Variants in DOCK8 observed in about 807,000 individuals in gnomAD.
DOCK8 encodes the protein dedicator of cytokinesis 8, also known as dedicator of cytokinesis protein 8.
DOCK8 carries 141 observed loss-of-function variants against 245.6 expected under a neutral mutation model. The observed-to-expected ratio is 0.57, with a 90% confidence interval of 0.50 to 0.66. The LOEUF (loss-of-function observed/expected upper bound fraction) is 0.66. Among genes scored for constraint, DOCK8 ranks in the 30% least tolerant of loss-of-function variants. The probability of loss-of-function intolerance (pLI) is 0.00; values close to 1 mark genes in which losing one functional copy is unlikely to be tolerated. For synonymous variants in DOCK8, 1,168 were observed against 970.2 expected (o/e 1.20, Z -3.79); for missense variants, 2,965 against 2,603.4 (o/e 1.14, Z -3.02).
intron 14 of DOCK8, among the ~76,000 whole-genome samples, chr9:354,944 C>A (rs933882712): frequency 6.6e-6 from 1 of 152,076 alleles, no homozygotes; most frequent in African/African-American, 2.4e-5. Flanking sequence ...ACATCAGAAG[C>A]GAGTCACTAG....
At chr9:371,170 G>GTTTTTTTT (rs149107240) in intron 16 of DOCK8, among the ~76,000 whole-genome samples, 1 of 151,304 alleles carries the variant, frequency 6.6e-6, no homozygotes, top group Non-Finnish European at 1.5e-5. Flanking sequence ...GTGTGGGGGA[G>GTTTTTTTT]TTGTTTTTTG....
intron 1 of DOCK8, among the ~76,000 whole-genome samples, chr9:236,466 T>C (rs2047252377): frequency 6.6e-6 from 1 of 152,200 alleles, no homozygotes; most frequent in Non-Finnish European, 1.5e-5. Context: ...CTAGTGCATA[T>C]TGATAGGCCA....
rs749045514 is a variant in DOCK8, at chr9:355,192, C to CT, written c.1680-12796dup. Among the ~76,000 whole-genome samples the CT allele has an allele frequency of 8.8e-4, 106 of 121,026 alleles. 3 individuals carry two copies. Among genetic ancestry groups the CT allele is most frequent in the Middle Eastern group, 4.5e-3 (1 of 224 alleles). The allele number at this position is 121,026 out of a possible 152,430, so 79.4% of individuals were successfully genotyped here. ...AGACTGGTGTATTTCTGTTTCTTTT[C>CT]TTTTTTTTTTTTTTTTTTTTTTTTT... On this transcript the variant is annotated intron_variant, in intron 14 of 47. Coordinates refer to ENST00000432829, the MANE Select transcript of DOCK8 (RefSeq NM_203447.4).
intron 1 of DOCK8, among the ~76,000 whole-genome samples, chr9:242,816 T>C (rs991075333): frequency 3.9e-5 from 6 of 152,102 alleles, no homozygotes; most frequent in Admixed American, 6.5e-5. Flanking sequence ...GCTTGTTTTT[T>C]TTTTTTTTCC....
chr9:289,812 G>T (rs1229987977), intron 4 of DOCK8, among the ~76,000 whole-genome samples: 1 of 152,094 alleles, frequency 6.6e-6, no homozygotes, highest in Non-Finnish European at 1.5e-5. Flanking sequence ...AGCCAATATG[G>T]ATATGTTGTT....
intron 4 of DOCK8, among the ~76,000 whole-genome samples, chr9:295,648 C>T (rs562811178): frequency 6.6e-6 from 1 of 152,264 alleles, no homozygotes; most frequent in African/African-American, 2.4e-5. Flanking sequence ...CTTTGTTATC[C>T]AGAACCAAGC....
chr9:382,008 CT>C (rs1197030867), intron 21 of DOCK8, among the ~76,000 whole-genome samples: 2 of 151,864 alleles, frequency 1.3e-5, no homozygotes, highest in Non-Finnish European at 2.9e-5. Context: ...TCCATAACCG[CT>C]TGTGAAAACA....
At chr9:224,170 T>C (rs2046941858) in intron 1 of DOCK8, among the ~76,000 whole-genome samples, 1 of 152,190 alleles carries the variant, frequency 6.6e-6, no homozygotes, top group Non-Finnish European at 1.5e-5. Context: ...CAACGGTTAT[T>C]TAGAACTGTT....
At chr9:324,255 C>T (rs1389409107) in intron 7 of DOCK8, among the ~76,000 whole-genome samples, 1 of 152,122 alleles carries the variant, frequency 6.6e-6, no homozygotes, top group Non-Finnish European at 1.5e-5. Flanking sequence ...ATATTCTGTC[C>T]AAATATTCTT....
At chr9:410,539 G>C (rs551669394) in intron 28 of DOCK8, among the ~76,000 whole-genome samples, 12 of 152,258 alleles carry the variant, frequency 7.9e-5, no homozygotes, top group African/African-American at 2.4e-4. Flanking sequence ...TTGGGTGGAC[G>C]TTAGAACTCA....
chr9:388,573 C>CTG (rs1333913363), intron 23 of DOCK8, among the ~76,000 whole-genome samples: 1 of 145,342 alleles, frequency 6.9e-6, no homozygotes, highest in Non-Finnish European at 1.5e-5. Flanking sequence ...TTTTTTGAAA[C>CTG]AGAGTCTCAC....
chr9:249,326 C>G (rs911862152), intron 1 of DOCK8, among the ~76,000 whole-genome samples: 1 of 152,198 alleles, frequency 6.6e-6, no homozygotes. Context: ...AAGCCTTAGC[C>G]TACCTCTGAC....
chr9:256,700 T>A (rs1028127851), intron 1 of DOCK8, among the ~76,000 whole-genome samples: 19 of 152,094 alleles, frequency 1.2e-4, no homozygotes, highest in African/African-American at 4.6e-4. Flanking sequence ...GTACCTATAG[T>A]GATAAAACAC....
chr9:399,447 T>A (rs1208169928), intron 26 of DOCK8, among the ~76,000 whole-genome samples, 188 bp downstream of exon 26: 1 of 152,164 alleles, frequency 6.6e-6, no homozygotes, highest in African/African-American at 2.4e-5. Context: ...TGGTTTACCT[T>A]GATTCCTGGA....
chr9:248,386 C>T (rs2047558787), intron 1 of DOCK8, among the ~76,000 whole-genome samples: 1 of 152,182 alleles, frequency 6.6e-6, no homozygotes, highest in East Asian at 1.9e-4. Flanking sequence ...TTCAAAGGAA[C>T]ACCATTTGCC....
At chr9:371,259 A>G (rs2053272765) in intron 16 of DOCK8, among the ~76,000 whole-genome samples, 169 bp from the exon 17 acceptor site, 1 of 152,180 alleles carries the variant, frequency 6.6e-6, no homozygotes, top group Non-Finnish European at 1.5e-5. Flanking sequence ...AGTGCATCTA[A>G]TAACATAAGC....
chr9:271,693 G>C lies in DOCK8; in HGVS notation c.120G>C (p.Gln40His). The C allele has an allele frequency of 1.9e-6, 3 of 1,551,774 alleles. No homozygotes were observed. The highest frequency in any genetic ancestry group is 1.2e-5 in the South Asian group (1 of 83,990). Residue 40 changes from glutamine (Q) to histidine (H), a missense_variant, in exon 2 of 48, where the codon CAG (glutamine) becomes CAC (histidine). By Grantham distance (24) the Gln-to-His change is conservative (BLOSUM62 0). This residue lies in a region of DOCK8 where 2,825 missense variants were observed against 2,453.5 expected (regional missense o/e 1.15). Coordinates refer to ENST00000432829, the MANE Select transcript of DOCK8 (RefSeq NM_203447.4). The stretch of plus-strand genomic sequence containing the variant: ...CAAACCTTGGCCAGTACCATCGACA[G>C]AGCATAAGTACCTCTGGCTTCCCCT... ...LPPNLGQYHR[Q>H]SISTSGFPSL... is the part of the protein sequence containing the mutation.
chr9:353,307 C>G (rs1216156306), intron 14 of DOCK8, among the ~76,000 whole-genome samples: 1 of 152,192 alleles, frequency 6.6e-6, no homozygotes, highest in East Asian at 1.9e-4. Context: ...TATTTCCCAG[C>G]AGACCTGCTG....
intron 44 of DOCK8, among the ~76,000 whole-genome samples, chr9:449,449 A>G (rs990828267): frequency 6.6e-6 from 1 of 152,202 alleles, no homozygotes; most frequent in African/African-American, 2.4e-5. Context: ...GAAGATAGAC[A>G]TACTTGTGAT....
Sources: gnomAD v4.1 joint callset for allele counts (sites outside exome capture counted in the v4.1 genomes callset) on GRCh38, gnomAD v4.1.1 for gene constraint, gnomAD v4.1.1 regional missense constraint, MANE v1.5 for transcripts, NCBI Gene and HGNC (gene_info 2026-07-23, HGNC 2026-07-21) for gene names.